CD200R1L: variants seen among roughly 807,000 people sequenced by gnomAD.
CD200R1L encodes CD200 receptor 1 like.
CD200R1L carries 14 observed loss-of-function variants against 24.8 expected under a neutral mutation model. That is an observed-to-expected ratio of 0.56 (90% CI 0.37 to 0.88). The LOEUF is 0.88. Ranked by LOEUF, CD200R1L falls within the 40% of genes least tolerant of loss-of-function variation. The pLI, the probability that CD200R1L is intolerant of heterozygous loss-of-function variation, is 0.00. For synonymous variants in CD200R1L, 111 were observed against 109.2 expected (o/e 1.02, Z -0.11); for missense variants, 299 against 297.8 (o/e 1.00, Z -0.03).
intron 6 of CD200R1L, 65 bp from the exon 7 acceptor site, chr3:112,819,960 TCATTTTAAAGAA>T: frequency 7.0e-7 from 1 of 1,422,870 alleles, no homozygotes; most frequent in Non-Finnish European, 9.4e-7. Context: ...TTAGAGTCAA[TCATTTTAAAGAA>T]CATTTTAAAA....
chr3:112,835,701 C>T (rs72950324), intron 3 of CD200R1L, among the ~76,000 whole-genome samples: 38,658 of 152,170 alleles, frequency 0.25, 5,905 homozygotes, highest in African/African-American at 0.42. Flanking sequence ...CGAGGGGCAC[C>T]TGCAGGCCAA....
intron 6 of CD200R1L, among the ~76,000 whole-genome samples, chr3:112,826,329 T>A (rs1449344889): frequency 1.3e-5 from 2 of 152,174 alleles, no homozygotes; most frequent in Non-Finnish European, 2.9e-5. Context: ...TATGTAATTT[T>A]ATTTAATTAA....
In CD200R1L at chr3:112,845,124, G is replaced by A. The variant is rs185231829; in HGVS notation, c.-87+555C>T. ...GTGACTCCTTGAAAAGACAAACAAG[G>A]TCAATAGAGTACTAGCTGGATTAAC... On this transcript the variant is annotated intron_variant, in intron 2 of 7. Coordinates refer to ENST00000488794, the MANE Select transcript of CD200R1L (RefSeq NM_001199215.3). Among the ~76,000 whole-genome samples the A allele has an allele frequency of 1.3e-4, 19 of 151,844 alleles. No individual in the cohort carries two copies. In the East Asian group the frequency reaches 2.9e-3, roughly 23 times the overall value.
chr3:112,833,591 G>A (rs1442750631), intron 3 of CD200R1L, among the ~76,000 whole-genome samples: 5 of 152,182 alleles, frequency 3.3e-5, no homozygotes, highest in Non-Finnish European at 7.4e-5. Context: ...GGACCCAGTA[G>A]CACTCCATTG....
Position 112,829,403 on chromosome 3 carries a change from A to C in CD200R1L, c.-17-19T>G. ...CTTGAAGCTAGAAAACATTTAGAGA[A>C]GAATAAGCGAAATCAATTTTATGTA... is the stretch of plus-strand genomic sequence containing the variant. On this transcript the variant is annotated intron_variant, in intron 3 of 7. Coordinates refer to ENST00000488794, the MANE Select transcript of CD200R1L (RefSeq NM_001199215.3). 1 of 1,606,570 alleles carries C rather than the reference A, an allele frequency of 6.2e-7. No homozygotes were observed.
At chr3:112,845,617 T>G in intron 2 of CD200R1L, 62 bp downstream of exon 2, 3 of 1,278,542 alleles carry the variant, frequency 2.3e-6, no homozygotes, top group Non-Finnish European at 3.4e-6. Context: ...ATCAAGAGTA[T>G]CCTCATAATC....
At chr3:112,824,605 A>C (rs763006050) in intron 6 of CD200R1L, among the ~76,000 whole-genome samples, 30 of 152,214 alleles carry the variant, frequency 2.0e-4, no homozygotes, top group Non-Finnish European at 4.1e-4. Context: ...GAATAGAAGA[A>C]ATAAATCTAC....
intron 3 of CD200R1L, among the ~76,000 whole-genome samples, chr3:112,837,614 G>C (rs1394468960): frequency 6.6e-6 from 1 of 152,158 alleles, no homozygotes; most frequent in Non-Finnish European, 1.5e-5. Context: ...TAATACACTG[G>C]TTTTGTATTG....
At position 112,819,866 on chromosome 3, in the gene CD200R1L, A is replaced by G; in HGVS notation, c.646T>C (p.Ser216Pro). 1 of 1,609,874 alleles carries G rather than the reference A, an allele frequency of 6.2e-7. No homozygotes were observed. The highest frequency in any genetic ancestry group is 8.5e-7 in the Non-Finnish European group (1 of 1,178,706). ...GLRTSGSPAL[S>P]LLIILYVKLS... Reference sequence around the variant, plus strand: ...TTCACATAAAGAATGATCAGTAAGGACAACGCTGGAGATCCTGAGGTTCTG... The same window carrying G: ...TTCACATAAAGAATGATCAGTAAGGGCAACGCTGGAGATCCTGAGGTTCTG... Residue 216 changes from serine to proline, a missense_variant, in exon 7 of 8, where the codon TCC (serine) becomes CCC (proline). Ser to Pro is a moderately conservative substitution (Grantham distance 74). Transcript: ENST00000488794.
intron 2 of CD200R1L, among the ~76,000 whole-genome samples, chr3:112,844,901 G>A (rs1939167883): frequency 6.6e-6 from 1 of 152,108 alleles, no homozygotes; most frequent in South Asian, 2.1e-4. Flanking sequence ...TCCAGCCTGG[G>A]CAATAAGAGC....
intron 6 of CD200R1L, among the ~76,000 whole-genome samples, chr3:112,824,182 A>G (rs1938606713): frequency 6.6e-6 from 1 of 152,192 alleles, no homozygotes. Flanking sequence ...GGAGAAAGAA[A>G]AAGACTCAGA....
chr3:112,844,695 G>C (rs1033493822), intron 2 of CD200R1L, among the ~76,000 whole-genome samples: 1 of 152,168 alleles, frequency 6.6e-6, no homozygotes, highest in African/African-American at 2.4e-5. Flanking sequence ...GGGAGCTGAG[G>C]GGGGTGGATC....
chr3:112,821,868 A>C (rs563285810), intron 6 of CD200R1L, among the ~76,000 whole-genome samples: 1 of 152,358 alleles, frequency 6.6e-6, no homozygotes, highest in South Asian at 2.1e-4. Context: ...AGGGAGAAGC[A>C]GGACTTGAAA....
intron 3 of CD200R1L, among the ~76,000 whole-genome samples, chr3:112,832,106 T>C (rs1938815889): frequency 6.6e-6 from 1 of 152,180 alleles, no homozygotes; most frequent in Non-Finnish European, 1.5e-5. Context: ...ATTCCCCTAG[T>C]CCTTCACCAA....
chr3:112,833,560 C>G (rs1257676675), intron 3 of CD200R1L, among the ~76,000 whole-genome samples: 3 of 152,134 alleles, frequency 2.0e-5, no homozygotes, highest in African/African-American at 7.2e-5. Flanking sequence ...CTATTAGACC[C>G]AACAAATCAT....
rs183615930 is a variant in CD200R1L at position 112,818,388 on chromosome 3, G to A, written c.740+1384C>T. 4.6e-4 allele frequency among the ~76,000 whole-genome samples: 70 copies of A among 152,302 alleles called. 2 individuals carry two copies. In the East Asian group the frequency reaches 9.3e-3, roughly 20 times the overall value. On this transcript the variant is annotated intron_variant, in intron 7 of 7. Coordinates refer to ENST00000488794, the MANE Select transcript of CD200R1L (RefSeq NM_001199215.3). ...ACTCTAAAAAGTAAGGGGAACTTCA[G>A]AGTCATCTTCAATGACACTGACATT...
chr3:112,825,055 G>A (rs1165988526), intron 6 of CD200R1L, among the ~76,000 whole-genome samples: 2 of 152,188 alleles, frequency 1.3e-5, no homozygotes, highest in East Asian at 1.9e-4. Flanking sequence ...GGCTAACACG[G>A]TGAAACCCCG....
intron 2 of CD200R1L, 112 bp downstream of exon 2, chr3:112,845,567 G>T: frequency 2.3e-6 from 2 of 863,170 alleles, no homozygotes; most frequent in Non-Finnish European, 3.7e-6. Flanking sequence ...ATTTATCACT[G>T]CTGCTAGGAC....
At chr3:112,825,110 G>T (rs1326597834) in intron 6 of CD200R1L, among the ~76,000 whole-genome samples, 1 of 151,928 alleles carries the variant, frequency 6.6e-6, no homozygotes, top group African/African-American at 2.4e-5. Flanking sequence ...GTGGTGGTGG[G>T]CGCCTGTAGT....
Sources: allele counts gnomAD v4.1 joint callset (sites outside exome capture counted in the v4.1 genomes callset), GRCh38; gene constraint gnomAD v4.1.1; transcripts MANE v1.5; gene names NCBI Gene and HGNC (gene_info 2026-07-23, HGNC 2026-07-21).